Variants in OSBPL10 observed in about 807,000 individuals in gnomAD.
OSBPL10 encodes the protein oxysterol-binding protein-related protein 10.
In OSBPL10, 49 loss-of-function variants were observed where a neutral mutation model predicts 81.7. The ratio of observed to expected loss-of-function variants is 0.60; its 90% confidence interval spans 0.48 to 0.76. OSBPL10 has a LOEUF of 0.76. Among genes scored for constraint, OSBPL10 ranks in the 30% least tolerant of loss-of-function variants. The probability of loss-of-function intolerance (pLI) is 0.00; values close to 1 mark genes in which losing one functional copy is unlikely to be tolerated. For missense variants in OSBPL10, 923 were observed against 987.8 expected, an observed-to-expected ratio of 0.93 and a Z score of 0.88; for synonymous variants, 419 against 383.6, an observed-to-expected ratio of 1.09 and a Z score of -1.08.
chr3:31,968,904 A>C (rs1288271619), intron 1 of OSBPL10, among the ~76,000 whole-genome samples: 1 of 152,226 alleles, frequency 6.6e-6, no homozygotes, highest in Admixed American at 6.5e-5. Context: ...GCTGGAGCAA[A>C]GAGAGGAATC....
At chr3:31,931,993 G>T (rs1697262989) in intron 1 of OSBPL10, among the ~76,000 whole-genome samples, 1 of 151,994 alleles carries the variant, frequency 6.6e-6, no homozygotes, top group African/African-American at 2.4e-5. Context: ...AGTGAGCCAA[G>T]ATCATGCCAC....
intron 6 of OSBPL10, among the ~76,000 whole-genome samples, chr3:31,727,028 G>A (rs1477097267): frequency 6.6e-6 from 1 of 151,670 alleles, no homozygotes; most frequent in Non-Finnish European, 1.5e-5. Context: ...GTAGAGACAG[G>A]GTCTATCTTG....
chr3:31,848,015 G>A (rs530059536), intron 3 of OSBPL10, among the ~76,000 whole-genome samples: 2 of 152,232 alleles, frequency 1.3e-5, no homozygotes, highest in Admixed American at 6.5e-5. Flanking sequence ...GCTCCTGCCA[G>A]CACCTCCCTC....
intron 4 of OSBPL10, among the ~76,000 whole-genome samples, chr3:31,802,549 CAAAAAAAAAA>C (rs746823677): frequency 1.1e-5 from 1 of 94,994 alleles, no homozygotes; most frequent in African/African-American, 4.1e-5. Context: ...GCCTGGGTAT[CAAAAAAAAAA>C]AAAAAAAAAA....
chr3:31,693,723 A>G (rs1440903844), intron 7 of OSBPL10, among the ~76,000 whole-genome samples: 1 of 152,196 alleles, frequency 6.6e-6, no homozygotes, highest in East Asian at 1.9e-4. Context: ...TAGACACAAT[A>G]CGGTCTGCAA....
chr3:31,917,697 A>C (rs1385237196), intron 1 of OSBPL10, among the ~76,000 whole-genome samples: 1 of 146,892 alleles, frequency 6.8e-6, no homozygotes, highest in Non-Finnish European at 1.5e-5. Context: ...ACAATCAATC[A>C]ATCAATACCT....
At chr3:32,027,192 CT>C (rs1241658095) in intron 2 of OSBPL10, among the ~76,000 whole-genome samples, 2 of 152,156 alleles carry the variant, frequency 1.3e-5, no homozygotes, top group African/African-American at 2.4e-5. Context: ...CCCCGACCCC[CT>C]GACAGGCCCC....
intron 6 of OSBPL10, chr3:31,708,884 A>T (rs1432069103): frequency 1.0e-6 from 1 of 985,280 alleles, no homozygotes; most frequent in African/African-American, 1.7e-5. Flanking sequence ...GAAGCTGTGG[A>T]CACATGCCTT....
chr3:31,865,718 TGA>T (rs1184944348), intron 3 of OSBPL10, among the ~76,000 whole-genome samples: 2 of 152,186 alleles, frequency 1.3e-5, no homozygotes, highest in East Asian at 1.9e-4. Flanking sequence ...CAAATTGTTC[TGA>T]GAGACCCTAA....
intron 2 of OSBPL10, chr3:32,030,488 AC>A (rs1186025532): frequency 2.8e-6 from 2 of 705,504 alleles, no homozygotes; most frequent in Non-Finnish European, 5.3e-6. Context: ...CGTATTAAGC[AC>A]TCTAAGGGCT....
chr3:31,721,280 T>G (rs1009781074), intron 6 of OSBPL10: 6 of 152,224 alleles, frequency 3.9e-5, no homozygotes, highest in Non-Finnish European at 8.8e-5. Flanking sequence ...GAGACCTGTG[T>G]CAGACTTCTA....
chr3:31,665,450 C>G lies in OSBPL10; in HGVS notation c.2097-1218G>C, dbSNP rs897493339. Among the ~76,000 whole-genome samples the G allele has an allele frequency of 2.8e-4, 43 of 152,244 alleles. No homozygotes were observed. In the East Asian group the frequency reaches 5.0e-3, roughly 18 times the overall value. On this transcript the variant is annotated intron_variant, in intron 10 of 11. Transcript: ENST00000396556. The stretch of plus-strand genomic sequence containing the variant: ...CGGGTGTCCTTAACCCTTTCCCCAG[C>G]AAGGGCTCAGAGCAGCAGGAAGGCT...
At chr3:31,838,432 A>T (rs1201684385) in intron 3 of OSBPL10, among the ~76,000 whole-genome samples, 2 of 147,522 alleles carry the variant, frequency 1.4e-5, no homozygotes, top group African/African-American at 5.0e-5. Context: ...AATGGCGTGA[A>T]CCCGGGAGGC....
intron 2 of OSBPL10, among the ~76,000 whole-genome samples, chr3:32,017,594 A>G (rs1575086319): frequency 6.6e-6 from 1 of 152,216 alleles, no homozygotes; most frequent in Non-Finnish European, 1.5e-5. Context: ...CTACCCTACC[A>G]CTTCCAAACT....
chr3:32,026,318 T>C (rs1289846495), intron 2 of OSBPL10, among the ~76,000 whole-genome samples: 3 of 152,112 alleles, frequency 2.0e-5, no homozygotes, highest in Non-Finnish European at 4.4e-5. Context: ...TTGAATTTTA[T>C]ATAGAGATAG....
intron 2 of OSBPL10, among the ~76,000 whole-genome samples, chr3:32,008,556 C>T (rs1296347773): frequency 7.0e-6 from 1 of 143,140 alleles, no homozygotes; most frequent in African/African-American, 2.7e-5. Flanking sequence ...CATGGCCAAA[C>T]CCCGTTTCTA....
At chr3:31,726,568 C>T (rs1197587964) in intron 6 of OSBPL10, among the ~76,000 whole-genome samples, 2 of 152,092 alleles carry the variant, frequency 1.3e-5, no homozygotes, top group African/African-American at 2.4e-5. Context: ...CCTGCCTCGG[C>T]CACCCAAAGT....
rs151328602 is a variant in OSBPL10 at position 31,833,303 on chromosome 3, C to T, written c.538-3072G>A. On this transcript the variant is annotated intron_variant, in intron 3 of 11. Transcript: ENST00000396556. ...ATCCCCCCACTCCTCCCCTACCAAACCCCTGCTCTTGCCATGTGATCTGGG... is the reference window on the plus strand; with the variant it reads ...ATCCCCCCACTCCTCCCCTACCAAATCCCTGCTCTTGCCATGTGATCTGGG... Among the ~76,000 whole-genome samples, 798 of 152,276 alleles carry T rather than the reference C, an allele frequency of 5.2e-3. 4 individuals are homozygous for T. The highest frequency in any genetic ancestry group is 7.5e-3 in the Admixed American group (115 of 15,302).
At chr3:31,926,303 T>C in intron 1 of OSBPL10, among the ~76,000 whole-genome samples, 1 of 78,106 alleles carries the variant, frequency 1.3e-5, no homozygotes, top group Non-Finnish European at 2.5e-5. Context: ...CCCCAGAGGA[T>C]AGCTGCAATG....
Sources: allele counts gnomAD v4.1 joint callset (sites outside exome capture counted in the v4.1 genomes callset), GRCh38; gene constraint gnomAD v4.1.1; transcripts MANE v1.5; gene names NCBI Gene and HGNC (gene_info 2026-07-23, HGNC 2026-07-21).